The following TRIP13 variants were observed in gnomAD, a reference collection of about 807,000 sequenced individuals.
The protein encoded by TRIP13 is pachytene checkpoint protein 2 homolog.
Under a neutral mutation model 54.4 loss-of-function variants are expected in TRIP13, and 25 were observed. The ratio of observed to expected loss-of-function variants is 0.46; its 90% CI spans 0.33 to 0.64. TRIP13 has a LOEUF of 0.64. Ranked by LOEUF, TRIP13 falls within the 30% of genes least tolerant of loss-of-function variation. The probability of loss-of-function intolerance (pLI) is 0.02; values close to 1 mark genes in which losing one functional copy is unlikely to be tolerated. For missense variants in TRIP13, 373 were observed against 534.2 expected, an observed-to-expected ratio of 0.70 and a Z score of 2.97; for synonymous variants, 207 against 207.8, an observed-to-expected ratio of 1.00 and a Z score of 0.03.
chr5:913,216 G>A lies in TRIP13; in HGVS notation c.1020+1220G>A, dbSNP rs557287401. Among the ~76,000 whole-genome samples, 6 of 152,310 alleles carry A rather than the reference G, an allele frequency of 3.9e-5. No individual in the cohort carries two copies. Among genetic ancestry groups the A allele is most frequent in the East Asian group, 3.9e-4 (2 of 5,192 alleles). On this transcript the variant is annotated intron_variant, in intron 10 of 12. Transcript: ENST00000166345. This position sits in a 1 kb window ranked among gnomAD's most constrained non-coding sequence, Gnocchi z 4.5. ...AGTCGTGTGTGTTGGAGGTCCTCAC[G>A]CACCTTCAGTGTGGGTTCCAGCCCT...
chr5:909,526 C>T (rs1051720789), intron 9 of TRIP13, among the ~76,000 whole-genome samples: 2 of 152,038 alleles, frequency 1.3e-5, no homozygotes, highest in African/African-American at 2.4e-5. Flanking sequence ...GGGTCAGCTG[C>T]AGGAATGTGT....
At position 908,547 on chromosome 5, in the gene TRIP13, C is replaced by G; in HGVS notation, c.866+86C>G. The G allele has an allele frequency of 6.4e-7, 1 of 1,572,692 alleles. No homozygotes were observed. The highest frequency in any genetic ancestry group is 8.6e-7 in the Non-Finnish European group (1 of 1,158,558). ...GCGTGATACTTGTGCAACCCTAGAT[C>G]TTAGTGCCCAGCTCTTTCACCGGAA... On this transcript the variant is annotated intron_variant, in intron 9 of 12. Coordinates refer to ENST00000166345, the MANE Select transcript of TRIP13 (RefSeq NM_004237.4). This position sits in a 1 kb window ranked among gnomAD's most constrained non-coding sequence, Gnocchi z 5.2.
Position 913,923 on chromosome 5 carries a change from G to A in TRIP13, c.1021-542G>A, listed in dbSNP as rs921411962. 2.0e-5 allele frequency among the ~76,000 whole-genome samples: 3 copies of A among 152,174 alleles called. No individual in the cohort carries two copies. Among genetic ancestry groups the A allele is most frequent in the African/African-American group, 7.2e-5 (3 of 41,430 alleles). ...CACCTGACTGTTGGCAAGGCTGCTT[G>A]GAAAAGCATGACTTCCAGACAAATG... On this transcript the variant is annotated intron_variant, in intron 10 of 12. Coordinates refer to ENST00000166345, the MANE Select transcript of TRIP13 (RefSeq NM_004237.4). The surrounding 1 kb of genome is among the most constrained non-coding windows in gnomAD (Gnocchi z 4.5).
rs1273377008 is a variant in TRIP13 at position 894,804 on chromosome 5, A to G, written c.110A>G (p.Asp37Gly). 1.2e-6 allele frequency: 2 copies of G among 1,606,656 alleles called. No homozygotes were observed. The highest frequency in any genetic ancestry group is 1.7e-6 in the Non-Finnish European group (2 of 1,177,108). ...TTTTTTAGCACTGCAAAGAAAGAAG[A>G]CATAAACCTGAGTGTTAGAAAGCTA... is the stretch of plus-strand genomic sequence containing the variant. ...QRGSSTAKKE[D>G]INLSVRKLLN... Residue 37 changes from aspartate to glycine, a missense_variant, in exon 2 of 13, where the codon GAC becomes GGC. Transcript: ENST00000166345.
Position 900,555 on chromosome 5 carries a change from T to A in TRIP13, c.444+6T>A, listed in dbSNP as rs1753961983. ...ATGTGGAAGTCAAATCCCATGTAAG[T>A]TGCTGTGCCTTTTCCCAGAATGCCC... On this transcript the variant is annotated splice_donor_region_variant and intron_variant, in intron 4 of 12. Transcript: ENST00000166345. 1 of 1,611,278 alleles carries A rather than the reference T, an allele frequency of 6.2e-7. No homozygotes were observed. Among genetic ancestry groups the A allele is most frequent in the Non-Finnish European group, 8.5e-7 (1 of 1,179,356 alleles).
downstream of TRIP13, chr5:919,219 A>G (rs1754385600): frequency 6.6e-6 from 1 of 152,216 alleles, no homozygotes; most frequent in Non-Finnish European, 1.5e-5. Flanking sequence ...CAGGACACCA[A>G]GGTCATGGAG....
chr5:903,477 T>C (rs1032096312), intron 5 of TRIP13, among the ~76,000 whole-genome samples: 4 of 152,262 alleles, frequency 2.6e-5, no homozygotes, highest in Non-Finnish European at 5.9e-5. Context: ...ATATCTAAGA[T>C]CTATATCTAG....
chr5:903,854 G>T (rs560637877), intron 5 of TRIP13, among the ~76,000 whole-genome samples: 1 of 152,176 alleles, frequency 6.6e-6, no homozygotes, highest in African/African-American at 2.4e-5. Context: ...GTTCATTCCC[G>T]ACGCTAAGTG....
At chr5:900,683 C>A in intron 4 of TRIP13, 134 bp downstream of exon 4, 2 of 823,530 alleles carry the variant, frequency 2.4e-6, no homozygotes, top group Non-Finnish European at 1.9e-6. Flanking sequence ...AGCCCTTGTC[C>A]TGGACATCTA....
chr5:894,687 G>T, intron 1 of TRIP13, 100 bp from the exon 2 acceptor site: 1 of 1,370,482 alleles, frequency 7.3e-7, no homozygotes, highest in East Asian at 2.5e-5. Flanking sequence ...GTTAACTACT[G>T]GGCTTTCTTA....
intron 11 of TRIP13, 107 bp downstream of exon 11, chr5:914,684 C>T: frequency 1.2e-6 from 1 of 826,120 alleles, no homozygotes; most frequent in Non-Finnish European, 2.0e-6. Context: ...GGTGTGAACT[C>T]TCAACACAGT....
Position 907,058 on chromosome 5 carries a change from C to T in TRIP13, c.609-72C>T, listed in dbSNP as rs534925235. The T allele has an allele frequency of 4.5e-5, 58 of 1,300,224 alleles. No homozygotes were observed. The highest frequency in any genetic ancestry group is 1.8e-4 in the Middle Eastern group (1 of 5,446). 80.5% of individuals were successfully genotyped at this position (1,300,224 alleles called of 1,614,324 possible). ...GGCACTTGAGATGTTGCATTCAGGA[C>T]GCGTGAATGGCTGCCGCTGAGGATC... On this transcript the variant is annotated intron_variant, in intron 6 of 12. Coordinates refer to ENST00000166345, the MANE Select transcript of TRIP13 (RefSeq NM_004237.4). The surrounding 1 kb of genome is among the most constrained non-coding windows in gnomAD (Gnocchi z 4.1).
intron 5 of TRIP13, among the ~76,000 whole-genome samples, chr5:903,554 G>A (rs974159467): frequency 1.1e-4 from 16 of 151,648 alleles, no homozygotes; most frequent in African/African-American, 3.6e-4. Context: ...CTCTTGCCTC[G>A]GCACCTGGGT....
intron 1 of TRIP13, among the ~76,000 whole-genome samples, chr5:894,125 C>T (rs1753817149): frequency 6.6e-6 from 1 of 152,128 alleles, no homozygotes; most frequent in Admixed American, 6.5e-5. Flanking sequence ...AAAGGGGCCA[C>T]ATGTCACCTG....
At chr5:918,575 A>C (rs1754377864), downstream of TRIP13, among the ~76,000 whole-genome samples, 1 of 152,202 alleles carries the variant, frequency 6.6e-6, no homozygotes, top group Admixed American at 6.5e-5. This position sits in a 1 kb window ranked among gnomAD's most constrained non-coding sequence, Gnocchi z 4.3. Context: ...GAGTAAAGGC[A>C]GTGTATTAGG....
intron 6 of TRIP13, 27 bp downstream of exon 6, chr5:904,247 G>A (rs1223778962): frequency 6.4e-7 from 1 of 1,572,740 alleles, no homozygotes; most frequent in Non-Finnish European, 8.6e-7. Flanking sequence ...TGTGAGAGGA[G>A]AGCCATGGGA....
Position 915,885 on chromosome 5 carries a change from C to T in TRIP13, c.1134-19C>T, listed in dbSNP as rs1219165830. 6.2e-7 allele frequency: 1 copy of T among 1,613,938 alleles called. No homozygotes were observed. The highest frequency in any genetic ancestry group is 1.1e-5 in the South Asian group (1 of 91,082). ...GATTGTATAAATTGCTGTCTCTGAA[C>T]TGGGTTTTCTTTACACAGGAAGAGC... On this transcript the variant is annotated intron_variant, in intron 11 of 12. Coordinates refer to ENST00000166345, the MANE Select transcript of TRIP13 (RefSeq NM_004237.4). The surrounding 1 kb of genome is among the most constrained non-coding windows in gnomAD (Gnocchi z 4.2).
intron 2 of TRIP13, among the ~76,000 whole-genome samples, chr5:895,591 C>T (rs556683409): frequency 3.9e-5 from 6 of 152,288 alleles, no homozygotes; most frequent in South Asian, 2.1e-4. Context: ...CCCATTCATA[C>T]GTTAGGACTC....
chr5:909,562 C>A (rs1018354463), intron 9 of TRIP13, among the ~76,000 whole-genome samples: 3 of 152,058 alleles, frequency 2.0e-5, no homozygotes, highest in Admixed American at 6.5e-5. Flanking sequence ...GTCGGGGAGA[C>A]CCTAACCCAG....
Sources: allele counts gnomAD v4.1 joint callset (sites outside exome capture counted in the v4.1 genomes callset), GRCh38; gene constraint gnomAD v4.1.1; non-coding constraint Gnocchi (gnomAD v3.1); transcripts MANE v1.5; gene names NCBI Gene and HGNC (gene_info 2026-07-23, HGNC 2026-07-21).